ADAMTS16: variants seen among roughly 807,000 people sequenced by gnomAD.
The protein encoded by ADAMTS16 is ADAM metallopeptidase with thrombospondin type 1 motif 16.
Under a neutral mutation model 145.8 loss-of-function variants are expected in ADAMTS16, and 94 were observed. The ratio of observed to expected loss-of-function variants is 0.64; its 90% confidence interval spans 0.55 to 0.77. The LOEUF is 0.77. ADAMTS16 is among the 30% of genes least tolerant of loss of function. The probability of loss-of-function intolerance (pLI) is 0.00; values close to 1 mark genes in which losing one functional copy is unlikely to be tolerated. For missense variants in ADAMTS16, 1,585 were observed against 1,591.5 expected, an observed-to-expected ratio of 1.00 and a Z score of 0.07; for synonymous variants, 659 against 604.3, an observed-to-expected ratio of 1.09 and a Z score of -1.33.
chr5:5,191,532 G>A (rs1735662600), intron 7 of ADAMTS16, among the ~76,000 whole-genome samples, 153 bp from the exon 8 acceptor site: 1 of 152,020 alleles, frequency 6.6e-6, no homozygotes, highest in Non-Finnish European at 1.5e-5. Context: ...ACCTTATCAA[G>A]TCCCCTTTAT....
intron 4 of ADAMTS16, among the ~76,000 whole-genome samples, chr5:5,184,779 G>A (rs576351590): frequency 2.0e-4 from 31 of 152,040 alleles, no homozygotes; most frequent in Middle Eastern, 3.4e-3. Context: ...GCCGAGGCCC[G>A]TGAGATCACC....
chr5:5,268,948 A>C (rs1289234571), intron 18 of ADAMTS16, among the ~76,000 whole-genome samples: 9 of 152,288 alleles, frequency 5.9e-5, no homozygotes, highest in African/African-American at 2.2e-4. Flanking sequence ...CCACCAGCTC[A>C]GACTCGCACA....
At chr5:5,278,933 C>G (rs1738797234) in intron 18 of ADAMTS16, among the ~76,000 whole-genome samples, 1 of 151,558 alleles carries the variant, frequency 6.6e-6, no homozygotes, top group Non-Finnish European at 1.5e-5. Context: ...ACAAAAAAAA[C>G]AAAACGAAGG....
chr5:5,140,843 G>A, intron 2 of ADAMTS16, 77 bp downstream of exon 2: 1 of 1,397,252 alleles, frequency 7.2e-7, no homozygotes, highest in South Asian at 1.3e-5. Context: ...TTTATTAGGT[G>A]CTGTGAATGT....
chr5:5,262,587 G>C, intron 17 of ADAMTS16, 70 bp from the exon 18 acceptor site: 1 of 1,541,904 alleles, frequency 6.5e-7, no homozygotes, highest in South Asian at 1.3e-5. Flanking sequence ...GATTTTATTA[G>C]CTCATCATCT....
chr5:5,186,301 G>GGTGTGTGTGT lies in ADAMTS16; in HGVS notation c.963+75_963+84dup, dbSNP rs1553989063. The GGTGTGTGTGT allele has an allele frequency of 3.9e-4, 384 of 987,400 alleles. No homozygotes were observed. In the African/African-American group the frequency reaches 6.1e-3, roughly 16 times the overall value. 61.2% of individuals were successfully genotyped at this position (987,400 alleles called of 1,614,324 possible). Reference sequence around the variant, plus strand: ...CCACCTGTGTCATTGCACTTCGTAGGGTGTGTGTGTGTGTGTGTGTGTGTG... The same window carrying GGTGTGTGTGT: ...CCACCTGTGTCATTGCACTTCGTAGGGTGTGTGTGTGTGTGTGTGTGTGTGTGTGTGTGTG... On this transcript the variant is annotated intron_variant, in intron 5 of 22. Coordinates refer to ENST00000274181, the MANE Select transcript of ADAMTS16 (RefSeq NM_139056.4).
chr5:5,253,066 C>T (rs1022646730), intron 17 of ADAMTS16, among the ~76,000 whole-genome samples: 1 of 152,202 alleles, frequency 6.6e-6, no homozygotes, highest in African/African-American at 2.4e-5. Context: ...TCTTCTTTCT[C>T]CTACTTCTCT....
At chr5:5,183,389 G>C (rs1735396979) in intron 4 of ADAMTS16, among the ~76,000 whole-genome samples, 1 of 152,256 alleles carries the variant, frequency 6.6e-6, no homozygotes, top group Non-Finnish European at 1.5e-5. Context: ...TCAGGACCCA[G>C]ATGCGTGGCG....
chr5:5,284,878 T>G (rs763493845), intron 18 of ADAMTS16, among the ~76,000 whole-genome samples: 1 of 152,236 alleles, frequency 6.6e-6, no homozygotes, highest in African/African-American at 2.4e-5. Context: ...GGAATTTCCA[T>G]ACAAGTCATT....
At chr5:5,305,819 C>T (rs866675455) in intron 20 of ADAMTS16, among the ~76,000 whole-genome samples, 1 of 152,224 alleles carries the variant, frequency 6.6e-6, no homozygotes, top group Non-Finnish European at 1.5e-5. Context: ...GGGGCCGGGA[C>T]CTCTGTCCCA....
At chr5:5,260,098 G>C (rs1737955183) in intron 17 of ADAMTS16, among the ~76,000 whole-genome samples, 1 of 152,358 alleles carries the variant, frequency 6.6e-6, no homozygotes, top group African/African-American at 2.4e-5. Flanking sequence ...CCAAGGGATT[G>C]AGGTCCATCT....
intron 3 of ADAMTS16, among the ~76,000 whole-genome samples, chr5:5,169,805 G>A (rs572961874): frequency 1.3e-5 from 2 of 152,184 alleles, no homozygotes; most frequent in Admixed American, 6.5e-5. Context: ...ATGTGCCCTC[G>A]GGTTCTTGTC....
At chr5:5,141,556 T>C (rs1734170319) in intron 2 of ADAMTS16, among the ~76,000 whole-genome samples, 1 of 152,244 alleles carries the variant, frequency 6.6e-6, no homozygotes, top group South Asian at 2.1e-4. Flanking sequence ...TGACAGTTAA[T>C]AAATATTATT....
chr5:5,211,816 G>C (rs1030712525), intron 10 of ADAMTS16, among the ~76,000 whole-genome samples: 17 of 151,904 alleles, frequency 1.1e-4, no homozygotes, highest in African/African-American at 3.6e-4. Flanking sequence ...ATATTACGTA[G>C]AAATATATTA....
At chr5:5,212,467 G>A (rs1736300921) in intron 10 of ADAMTS16, among the ~76,000 whole-genome samples, 1 of 151,960 alleles carries the variant, frequency 6.6e-6, no homozygotes, top group African/African-American at 2.4e-5. Flanking sequence ...TATATATTCT[G>A]AAGCTTCATA....
At chr5:5,196,363 T>C (rs770935032) in intron 8 of ADAMTS16, among the ~76,000 whole-genome samples, 3 of 152,132 alleles carry the variant, frequency 2.0e-5, no homozygotes, top group Non-Finnish European at 4.4e-5. Flanking sequence ...TGATGACATG[T>C]GCCTCCACCC....
intron 17 of ADAMTS16, among the ~76,000 whole-genome samples, chr5:5,259,221 T>C (rs1196261093): frequency 6.6e-6 from 1 of 152,236 alleles, no homozygotes; most frequent in Admixed American, 6.5e-5. Flanking sequence ...TACACACCTG[T>C]GCATGTCTCT....
chr5:5,205,140 T>C (rs1736062660), intron 9 of ADAMTS16, among the ~76,000 whole-genome samples: 1 of 152,170 alleles, frequency 6.6e-6, no homozygotes, highest in Non-Finnish European at 1.5e-5. Context: ...ATTCTGAGTA[T>C]AAACATTTTG....
At chr5:5,274,307 A>T (rs1738598895) in intron 18 of ADAMTS16, among the ~76,000 whole-genome samples, 2 of 152,176 alleles carry the variant, frequency 1.3e-5, no homozygotes, top group Non-Finnish European at 2.9e-5. Flanking sequence ...CCACCATGAT[A>T]GTATAATATA....
Sources: allele counts gnomAD v4.1 joint callset (sites outside exome capture counted in the v4.1 genomes callset), GRCh38; gene constraint gnomAD v4.1.1; transcripts MANE v1.5; gene names NCBI Gene and HGNC (gene_info 2026-07-23, HGNC 2026-07-21).